SPIDR: variants seen among roughly 807,000 people sequenced by gnomAD.
The protein encoded by SPIDR is scaffold protein involved in DNA repair.
A neutral mutation model predicts 104.6 loss-of-function variants in SPIDR; 93 were observed. That is an observed-to-expected ratio of 0.89 (90% CI 0.75 to 1.06). The LOEUF (loss-of-function observed/expected upper bound fraction) is 1.06. Among genes scored for constraint, SPIDR ranks in the 50% least tolerant of loss-of-function variants. SPIDR has a pLI of 0.00. For missense variants in SPIDR, 1,154 were observed against 1,111.2 expected, an observed-to-expected ratio of 1.04 and a Z score of -0.55; for synonymous variants, 431 against 416.9, an observed-to-expected ratio of 1.03 and a Z score of -0.41.
intron 16 of SPIDR, among the ~76,000 whole-genome samples, chr8:47,723,590 C>T (rs768086074): frequency 5.3e-5 from 8 of 152,042 alleles, no homozygotes; most frequent in African/African-American, 9.6e-5. Flanking sequence ...CCACCATGCC[C>T]GGCTAATTTT....
At chr8:47,320,537 A>G (rs923763479) in intron 5 of SPIDR, among the ~76,000 whole-genome samples, 2 of 152,236 alleles carry the variant, frequency 1.3e-5, no homozygotes, top group Admixed American at 6.5e-5. Flanking sequence ...AGCTGGTACC[A>G]TTCCTTCTGA....
intron 8 of SPIDR, among the ~76,000 whole-genome samples, chr8:47,575,985 TTTTG>T (rs1184941684): frequency 6.6e-6 from 1 of 151,288 alleles, no homozygotes; most frequent in Admixed American, 6.6e-5. Flanking sequence ...TTCTTTTTTT[TTTTG>T]TTTATCTTTA....
chr8:47,419,979 A>G (rs1392578864), intron 7 of SPIDR, among the ~76,000 whole-genome samples: 5 of 152,086 alleles, frequency 3.3e-5, no homozygotes, highest in African/African-American at 9.7e-5. Flanking sequence ...GGTCTGAGAG[A>G]CAGTTTGTTA....
At chr8:47,439,145 C>G (rs963061538) in intron 7 of SPIDR, among the ~76,000 whole-genome samples, 1 of 152,016 alleles carries the variant, frequency 6.6e-6, no homozygotes, top group Non-Finnish European at 1.5e-5. Flanking sequence ...ACATGTCAAT[C>G]CTTTGTCTTT....
chr8:47,270,932 T>C (rs1210713984), intron 1 of SPIDR, among the ~76,000 whole-genome samples: 1 of 152,192 alleles, frequency 6.6e-6, no homozygotes, highest in Non-Finnish European at 1.5e-5. Context: ...TTACTATGAT[T>C]TCACTCCTTT....
chr8:47,700,286 G>A (rs1377032647), intron 11 of SPIDR, 117 bp from the exon 12 acceptor site: 8 of 1,069,756 alleles, frequency 7.5e-6, no homozygotes, highest in South Asian at 2.6e-5. Flanking sequence ...CACACATCTC[G>A]AATTGTAGTT....
chr8:47,729,162 C>A, intron 18 of SPIDR, 115 bp downstream of exon 18: 1 of 1,535,690 alleles, frequency 6.5e-7, no homozygotes, highest in South Asian at 1.2e-5. Flanking sequence ...CGCTGGGACT[C>A]GGCTGGGATG....
intron 10 of SPIDR, among the ~76,000 whole-genome samples, chr8:47,643,994 C>T (rs1231105760): frequency 6.6e-6 from 1 of 152,162 alleles, no homozygotes; most frequent in Non-Finnish European, 1.5e-5. Context: ...ACAGTATCAA[C>T]AGAGGCTTCG....
At chr8:47,653,306 T>A in intron 10 of SPIDR, among the ~76,000 whole-genome samples, 1 of 152,168 alleles carries the variant, frequency 6.6e-6, no homozygotes, top group Non-Finnish European at 1.5e-5. Context: ...CTATACCCAG[T>A]TACAAATCCT....
At chr8:47,478,053 A>G (rs1409324755) in intron 8 of SPIDR, among the ~76,000 whole-genome samples, 1 of 152,198 alleles carries the variant, frequency 6.6e-6, no homozygotes, top group East Asian at 1.9e-4. Context: ...TTGAAGCTAG[A>G]GTGCTAGCAG....
At chr8:47,692,933 C>T (rs780921607) in intron 11 of SPIDR, among the ~76,000 whole-genome samples, 1 of 152,222 alleles carries the variant, frequency 6.6e-6, no homozygotes, top group Non-Finnish European at 1.5e-5. Flanking sequence ...CTTGGATAGA[C>T]AGCAAGGAGA....
chr8:47,350,389 C>T (rs2053238078), intron 5 of SPIDR, among the ~76,000 whole-genome samples: 1 of 152,210 alleles, frequency 6.6e-6, no homozygotes, highest in Non-Finnish European at 1.5e-5. Context: ...TCTCGGCCCA[C>T]TGCAACCTCT....
rs568111200 is a variant in SPIDR, at chr8:47,481,403, G to A, written c.1097+40861G>A. Among the ~76,000 whole-genome samples, 7 of 152,260 alleles carry A rather than the reference G, an allele frequency of 4.6e-5. No homozygotes were observed. In the South Asian group the frequency reaches 6.2e-4, roughly 14 times the overall value. ...TGTAATTCCAGCACATTGGGAGGCC[G>A]AGGTGGGCAGATCACTTGAGGCCAG... On this transcript the variant is annotated intron_variant, in intron 8 of 19. Coordinates refer to ENST00000297423, the MANE Select transcript of SPIDR (RefSeq NM_001080394.4).
At chr8:47,655,639 G>A (rs1240944051) in intron 10 of SPIDR, among the ~76,000 whole-genome samples, 1 of 152,198 alleles carries the variant, frequency 6.6e-6, no homozygotes, top group Non-Finnish European at 1.5e-5. Flanking sequence ...TTTGTCAGAT[G>A]AGTAGATTGC....
intron 5 of SPIDR, among the ~76,000 whole-genome samples, chr8:47,295,261 C>T (rs1185867073): frequency 6.6e-6 from 1 of 151,972 alleles, no homozygotes; most frequent in African/African-American, 2.4e-5. Flanking sequence ...GTAAATCTGT[C>T]TGTGTCATTT....
intron 8 of SPIDR, among the ~76,000 whole-genome samples, chr8:47,539,942 T>C (rs910535046): frequency 3.3e-5 from 5 of 152,108 alleles, no homozygotes; most frequent in Non-Finnish European, 7.4e-5. Flanking sequence ...AACCCAACTT[T>C]TAAAGAAAGA....
At chr8:47,344,951 G>C (rs1322779817) in intron 5 of SPIDR, among the ~76,000 whole-genome samples, 11 of 152,154 alleles carry the variant, frequency 7.2e-5, no homozygotes, top group East Asian at 1.9e-4. Flanking sequence ...TTCTTTTGCT[G>C]TGCAGAGCTC....
intron 1 of SPIDR, among the ~76,000 whole-genome samples, chr8:47,272,025 A>G (rs1482599393): frequency 1.3e-5 from 2 of 151,944 alleles, no homozygotes; most frequent in Non-Finnish European, 2.9e-5. Flanking sequence ...CTCAGGCTGT[A>G]GTGCAATGGC....
At chr8:47,685,657 C>G (rs537357279) in intron 11 of SPIDR, among the ~76,000 whole-genome samples, 21 of 151,658 alleles carry the variant, frequency 1.4e-4, no homozygotes, top group Non-Finnish European at 2.8e-4. Context: ...CAGGTTCAAG[C>G]GATTCTCCTG....
Sources: gnomAD v4.1 joint callset for allele counts (sites outside exome capture counted in the v4.1 genomes callset) on GRCh38, gnomAD v4.1.1 for gene constraint, MANE v1.5 for transcripts, NCBI Gene and HGNC (gene_info 2026-07-23, HGNC 2026-07-21) for gene names.